The following CEP85L variants were observed in gnomAD, a reference collection of about 807,000 sequenced individuals.
CEP85L encodes the protein centrosomal protein of 85 kDa-like.
In CEP85L, 60 loss-of-function variants were observed where a neutral mutation model predicts 100.3. That is an observed-to-expected ratio of 0.60 (90% CI 0.49 to 0.74). The LOEUF (loss-of-function observed/expected upper bound fraction) is 0.74, where lower values mean the gene tolerates loss of function less well. Among genes scored for constraint, CEP85L ranks in the 30% least tolerant of loss-of-function variants. CEP85L has a pLI of 0.00. For synonymous variants in CEP85L, 319 were observed against 322.7 expected (o/e 0.99, Z 0.12); for missense variants, 973 against 936.2 (o/e 1.04, Z -0.51).
At chr6:118,651,902 T>A (rs1162360008), upstream of CEP85L, 1 of 985,410 alleles carries the variant, frequency 1.0e-6, no homozygotes, top group Non-Finnish European at 1.2e-6. Context: ...TCCGGGCACC[T>A]CTGTGAAGAC....
chr6:118,676,401 T>G (rs1776484545), intron 1 of CEP85L, among the ~76,000 whole-genome samples: 1 of 152,226 alleles, frequency 6.6e-6, no homozygotes, highest in African/African-American at 2.4e-5. Context: ...TAGTTTAACT[T>G]TTTTTAGATT....
chr6:118,504,632 T>A lies in CEP85L; in HGVS notation c.1257+6666A>T, dbSNP rs576169300. On this transcript the variant is annotated intron_variant, in intron 5 of 12. Coordinates refer to ENST00000368491, the MANE Select transcript of CEP85L (RefSeq NM_001042475.3). ...ATGGGTTAAGTGTAAGTAAAAAGCT[T>A]CTGAGTTTCAGCAAGTTAATCAAAC... Among the ~76,000 whole-genome samples the A allele has an allele frequency of 1.6e-4, 24 of 152,324 alleles. No individual in the cohort carries two copies. The South Asian group carries it at 4.6e-3, about 29-fold the overall frequency.
chr6:118,709,710 T>C (rs1361909390), intron 1 of CEP85L, among the ~76,000 whole-genome samples: 1 of 152,036 alleles, frequency 6.6e-6, no homozygotes, highest in Non-Finnish European at 1.5e-5. Flanking sequence ...AGAGTAACAG[T>C]CATTTCTAAA....
chr6:118,519,432 C>CTGTGTG (rs546998242), intron 4 of CEP85L, among the ~76,000 whole-genome samples: 1,057 of 23,862 alleles, frequency 0.044, 154 homozygotes, highest in Admixed American at 0.12. Context: ...GAGCAAAACT[C>CTGTGTG]TGTGTGTGTG....
At chr6:118,498,391 A>G (rs1562201143) in intron 5 of CEP85L, among the ~76,000 whole-genome samples, 2 of 152,084 alleles carry the variant, frequency 1.3e-5, no homozygotes, top group Non-Finnish European at 2.9e-5. Context: ...ACTACAAAAA[A>G]ATCTACAGCT....
rs1017037397 is a variant in CEP85L, at chr6:118,596,657, G to T, written c.233-30341C>A. Among the ~76,000 whole-genome samples, 8 of 151,132 alleles carry T rather than the reference G, an allele frequency of 5.3e-5. No individual in the cohort carries two copies. The East Asian group carries it at 1.5e-3, about 29-fold the overall frequency. On this transcript the variant is annotated intron_variant, in intron 2 of 12. Transcript: ENST00000368491. ...ATTCAGGTAATATCTTAATACAACT[G>T]ATTTTTTTAAAAAAAAAACAAGAGT...
At chr6:118,483,918 C>G (rs2114549571) in intron 6 of CEP85L, 60 bp from the exon 7 acceptor site, 1 of 1,488,446 alleles carries the variant, frequency 6.7e-7, no homozygotes, top group South Asian at 1.2e-5. Context: ...TATAACAAAA[C>G]CAACACTTTA....
At chr6:118,591,225 A>C (rs1781172681) in intron 2 of CEP85L, among the ~76,000 whole-genome samples, 1 of 152,190 alleles carries the variant, frequency 6.6e-6, no homozygotes, top group African/African-American at 2.4e-5. Context: ...GGAGGCAGGG[A>C]ACCTAAGGCC....
intron 2 of CEP85L, among the ~76,000 whole-genome samples, chr6:118,576,823 A>G (rs190622408): frequency 2.6e-5 from 4 of 152,340 alleles, no homozygotes; most frequent in Admixed American, 1.3e-4. Flanking sequence ...GATCTAAAGC[A>G]AACCATAGCC....
At chr6:118,605,594 T>C (rs940689704) in intron 2 of CEP85L, among the ~76,000 whole-genome samples, 1 of 152,212 alleles carries the variant, frequency 6.6e-6, no homozygotes, top group African/African-American at 2.4e-5. Flanking sequence ...GTGCTTTTAA[T>C]TCCTGGGGTT....
chr6:118,706,048 C>CGGCCGTCT (rs1404015028), intron 1 of CEP85L, among the ~76,000 whole-genome samples: 2 of 152,168 alleles, frequency 1.3e-5, no homozygotes, highest in Non-Finnish European at 2.9e-5. Context: ...AGAAGTATCA[C>CGGCCGTCT]GGCCGTCTAT....
At chr6:118,498,565 C>T (rs1451493678) in intron 5 of CEP85L, among the ~76,000 whole-genome samples, 1 of 137,696 alleles carries the variant, frequency 7.3e-6, no homozygotes, top group Non-Finnish European at 1.5e-5. Flanking sequence ...TTTGAGACCA[C>T]CCTAGGAAAC....
intron 2 of CEP85L, among the ~76,000 whole-genome samples, chr6:118,603,750 C>A (rs1379879895): frequency 6.6e-6 from 1 of 152,118 alleles, no homozygotes; most frequent in Non-Finnish European, 1.5e-5. Context: ...AAAGTTTTTT[C>A]CTTTATTCTG....
intron 2 of CEP85L, among the ~76,000 whole-genome samples, chr6:118,586,674 A>T (rs188687499): frequency 6.6e-5 from 10 of 152,224 alleles, no homozygotes; most frequent in African/African-American, 2.4e-4. Context: ...TCTTAAGCTG[A>T]AAATCATAAA....
chr6:118,553,482 A>T (rs890956153), intron 3 of CEP85L, among the ~76,000 whole-genome samples: 8 of 152,212 alleles, frequency 5.3e-5, no homozygotes, highest in African/African-American at 1.9e-4. Context: ...TTCAGATGAT[A>T]ACTGTAAAAA....
At chr6:118,594,418 T>TTAAAA (rs1196265196) in intron 2 of CEP85L, among the ~76,000 whole-genome samples, 1 of 152,156 alleles carries the variant, frequency 6.6e-6, no homozygotes, top group African/African-American at 2.4e-5. Context: ...CAGCCCCTAT[T>TTAAAA]TAAAATAAAA....
chr6:118,480,077 G>A (rs972822958), intron 9 of CEP85L, among the ~76,000 whole-genome samples, 156 bp from the exon 10 acceptor site: 9 of 149,708 alleles, frequency 6.0e-5, no homozygotes, highest in African/African-American at 1.5e-4. Context: ...GGTCACACAC[G>A]TATAAAACTA....
intron 6 of CEP85L, among the ~76,000 whole-genome samples, chr6:118,486,414 G>C (rs1217889953): frequency 6.6e-6 from 1 of 152,074 alleles, no homozygotes; most frequent in Non-Finnish European, 1.5e-5. Flanking sequence ...AGTTCACAAA[G>C]TTACTTTTCT....
intron 1 of CEP85L, 78 bp from the exon 2 acceptor site, chr6:118,632,689 C>A: frequency 8.5e-7 from 1 of 1,179,182 alleles, no homozygotes; most frequent in South Asian, 1.6e-5. Context: ...GTGGAAAATA[C>A]ACATAGGGTA....
Sources: gnomAD v4.1 joint callset for allele counts (sites outside exome capture counted in the v4.1 genomes callset) on GRCh38, gnomAD v4.1.1 for gene constraint, MANE v1.5 for transcripts, NCBI Gene and HGNC (gene_info 2026-07-23, HGNC 2026-07-21) for gene names.